The following DDX10 variants were observed in gnomAD, a reference collection of about 807,000 sequenced individuals.
DDX10 encodes DEAD-box helicase 10.
DDX10 carries 74 observed loss-of-function variants against 104.3 expected under a neutral mutation model. The observed-to-expected ratio is 0.71, with a 90% CI of 0.59 to 0.86. The LOEUF (loss-of-function observed/expected upper bound fraction) is 0.86. DDX10 is among the 40% of genes least tolerant of loss of function. The probability of loss-of-function intolerance (pLI) is 0.00; values close to 1 mark genes in which losing one functional copy is unlikely to be tolerated. For missense variants in DDX10, 952 were observed against 1,040.0 expected (o/e 0.92, Z 1.16); for synonymous variants, 351 against 353.4 (o/e 0.99, Z 0.08).
rs895005666 is a variant in DDX10, at chr11:108,940,694, C to T, written c.*271C>T. The T allele has an allele frequency of 2.4e-5, 7 of 296,942 alleles. No individual in the cohort carries two copies. Among genetic ancestry groups the T allele is most frequent in the African/African-American group, 6.3e-5 (3 of 47,356 alleles). The allele number at this position is 296,942 out of a possible 1,614,324, so 18.4% of individuals were successfully genotyped here. On this transcript the variant is annotated 3_prime_UTR_variant, in exon 18 of 18. Transcript: ENST00000322536. ...TTAGATTTTTATCCATGGGTTCCTACGCCTTGTCATTGGAAACACTGCCTT... is the reference window on the plus strand; with the variant it reads ...TTAGATTTTTATCCATGGGTTCCTATGCCTTGTCATTGGAAACACTGCCTT...
chr11:108,758,083 C>T (rs1015121458), intron 13 of DDX10, among the ~76,000 whole-genome samples: 20 of 151,946 alleles, frequency 1.3e-4, no homozygotes, highest in Non-Finnish European at 2.9e-5. Flanking sequence ...CTTTACCCTC[C>T]TAACTAGTCA....
chr11:108,781,938 A>G (rs2094378651), intron 13 of DDX10, among the ~76,000 whole-genome samples: 1 of 152,180 alleles, frequency 6.6e-6, no homozygotes, highest in African/African-American at 2.4e-5. Context: ...ATTGGGAGTT[A>G]AGAGCACAGC....
At chr11:108,723,873 G>A (rs1466502) in intron 13 of DDX10, among the ~76,000 whole-genome samples, 133,388 of 152,162 alleles carry the variant, frequency 0.88, 58,869 homozygotes, top group East Asian at 0.99. Flanking sequence ...TTTACTCTTA[G>A]TGCGACATTT....
chr11:108,913,022 T>C (rs1227130878), intron 16 of DDX10, among the ~76,000 whole-genome samples: 1 of 152,136 alleles, frequency 6.6e-6, no homozygotes, highest in African/African-American at 2.4e-5. Context: ...ATTTGACTCA[T>C]GAAAATAAGT....
chr11:108,798,659 C>A (rs543744738), intron 13 of DDX10, among the ~76,000 whole-genome samples: 16 of 152,066 alleles, frequency 1.1e-4, no homozygotes, highest in African/African-American at 3.1e-4. Flanking sequence ...CTTGTACGAG[C>A]GGTTTTGTTT....
At chr11:108,865,452 T>C (rs1862997302) in intron 16 of DDX10, among the ~76,000 whole-genome samples, 1 of 152,196 alleles carries the variant, frequency 6.6e-6, no homozygotes, top group African/African-American at 2.4e-5. Context: ...TTATTCTGTA[T>C]AGTATGTTTG....
At chr11:108,812,146 G>A (rs374350514) in intron 13 of DDX10, among the ~76,000 whole-genome samples, 1 of 152,134 alleles carries the variant, frequency 6.6e-6, no homozygotes, top group Admixed American at 6.5e-5. Context: ...CCATATAGCT[G>A]TTGTTAGAGA....
chr11:108,876,618 G>C (rs1269441079), intron 16 of DDX10, among the ~76,000 whole-genome samples: 1 of 152,120 alleles, frequency 6.6e-6, no homozygotes, highest in African/African-American at 2.4e-5. Context: ...TAAACTCTCT[G>C]AGCCTAAGTT....
At chr11:108,773,369 C>T (rs1186760408) in intron 13 of DDX10, among the ~76,000 whole-genome samples, 1 of 152,220 alleles carries the variant, frequency 6.6e-6, no homozygotes, top group African/African-American at 2.4e-5. Context: ...GGTAGCTGCA[C>T]TTACTGTTGA....
At chr11:108,792,878 G>A (rs1052666743) in intron 13 of DDX10, among the ~76,000 whole-genome samples, 5 of 152,016 alleles carry the variant, frequency 3.3e-5, no homozygotes, top group South Asian at 2.1e-4. Context: ...ATTCATTTGG[G>A]TGGTTTTAAA....
chr11:108,670,402 G>T (rs1244488062), intron 1 of DDX10, among the ~76,000 whole-genome samples: 1 of 152,192 alleles, frequency 6.6e-6, no homozygotes, highest in Non-Finnish European at 1.5e-5. Flanking sequence ...TCAGACTGCA[G>T]CACAGTTCCA....
At chr11:108,693,175 G>A (rs1335137701) in intron 8 of DDX10, among the ~76,000 whole-genome samples, 1 of 152,158 alleles carries the variant, frequency 6.6e-6, no homozygotes, top group African/African-American at 2.4e-5. Context: ...GAGAATGATG[G>A]TTTCCAGCTT....
At chr11:108,675,988 C>T (rs977099226) in intron 3 of DDX10, among the ~76,000 whole-genome samples, 4 of 152,190 alleles carry the variant, frequency 2.6e-5, no homozygotes, top group African/African-American at 7.2e-5. Flanking sequence ...TCATTACATT[C>T]TTGATGGAAG....
chr11:108,782,832 A>G (rs897032818), intron 13 of DDX10, among the ~76,000 whole-genome samples: 3 of 152,178 alleles, frequency 2.0e-5, no homozygotes, highest in Non-Finnish European at 4.4e-5. Context: ...GAGGAAAGTC[A>G]GAGAGACCAA....
chr11:108,705,903 A>G (rs960691743), intron 9 of DDX10, among the ~76,000 whole-genome samples: 2 of 152,180 alleles, frequency 1.3e-5, no homozygotes, highest in African/African-American at 4.8e-5. Flanking sequence ...AGCAGGAAAT[A>G]AGATTTTACT....
At chr11:108,874,805 T>A (rs1863130127) in intron 16 of DDX10, among the ~76,000 whole-genome samples, 1 of 152,148 alleles carries the variant, frequency 6.6e-6, no homozygotes, top group Non-Finnish European at 1.5e-5. Flanking sequence ...TGTTTTTTTT[T>A]AAACTGTCAA....
At position 108,797,039 on chromosome 11, in the gene DDX10, AT is replaced by A. The variant is rs879284918; in HGVS notation, c.1966-41393del. Among the ~76,000 whole-genome samples the A allele has an allele frequency of 2.7e-3, 395 of 144,232 alleles. 1 individual carries two copies. The highest frequency in any genetic ancestry group is 0.011 in the Middle Eastern group (3 of 280). 94.6% of individuals were successfully genotyped at this position (144,232 alleles called of 152,430 possible). A position where few individuals can be genotyped will look rare whatever the true frequency, so the allele number is the denominator to read the frequency against. On this transcript the variant is annotated intron_variant, in intron 13 of 17. Transcript: ENST00000322536. ...TGTTCTTATTCTTCTCCCTCTTCTA[AT>A]TTTTTTTTTTTTTAGACAAGATCTT...
rs184166552 is a variant in DDX10, at chr11:108,888,797, C to A, written c.2305-29076C>A. Among the ~76,000 whole-genome samples, 818 of 148,436 alleles carry A rather than the reference C, an allele frequency of 5.5e-3. 7 individuals are homozygous for A. The highest frequency in any genetic ancestry group is 0.046 in the East Asian group (233 of 5,040). On this transcript the variant is annotated intron_variant, in intron 16 of 17. Transcript: ENST00000322536. ...AATTCTATCGTTTAAAAAAAAAAAA[C>A]CACTTTTTTTGAAAGCTAACCAATA...
At chr11:108,922,547 T>C (rs1863848734) in intron 17 of DDX10, among the ~76,000 whole-genome samples, 1 of 152,244 alleles carries the variant, frequency 6.6e-6, no homozygotes, top group African/African-American at 2.4e-5. Flanking sequence ...TGACAGAATC[T>C]GGGGTCAATA....
Sources: gnomAD v4.1 joint callset for allele counts (sites outside exome capture counted in the v4.1 genomes callset) on GRCh38, gnomAD v4.1.1 for gene constraint, MANE v1.5 for transcripts, NCBI Gene and HGNC (gene_info 2026-07-23, HGNC 2026-07-21) for gene names.